Variants in NPAS3 observed in about 807,000 individuals in gnomAD.
The protein encoded by NPAS3 is neuronal PAS domain-containing protein 3.
Under a neutral mutation model 73.1 loss-of-function variants are expected in NPAS3, and 14 were observed. That is an observed-to-expected ratio of 0.19 (90% CI 0.13 to 0.30). The LOEUF (loss-of-function observed/expected upper bound fraction) is 0.30, where lower values mean the gene tolerates loss of function less well. Among genes scored for constraint, NPAS3 ranks in the 10% least tolerant of loss-of-function variants. The pLI, the probability that NPAS3 is intolerant of heterozygous loss-of-function variation, is 1.00. For missense variants in NPAS3, 1,096 were observed against 1,250.0 expected, an observed-to-expected ratio of 0.88 and a Z score of 1.86; for synonymous variants, 620 against 541.5, an observed-to-expected ratio of 1.14 and a Z score of -2.01.
At chr14:32,953,122 A>C (rs1023862478) in intron 1 of NPAS3, among the ~76,000 whole-genome samples, 4 of 149,696 alleles carry the variant, frequency 2.7e-5, no homozygotes, top group Non-Finnish European at 1.5e-5. Flanking sequence ...CCCAAACAAC[A>C]ACCAAAAAAA....
chr14:33,132,808 G>T (rs188050747), intron 2 of NPAS3, among the ~76,000 whole-genome samples: 9 of 152,190 alleles, frequency 5.9e-5, no homozygotes, highest in African/African-American at 1.9e-4. Flanking sequence ...AAGCAAATTG[G>T]GGACAGGGAA....
chr14:33,734,005 C>A (rs991753838), intron 6 of NPAS3, among the ~76,000 whole-genome samples: 3 of 152,124 alleles, frequency 2.0e-5, no homozygotes, highest in Non-Finnish European at 2.9e-5. Flanking sequence ...ATTACTCACC[C>A]TTAGAAATAT....
chr14:33,069,515 G>C (rs775632341), intron 2 of NPAS3, among the ~76,000 whole-genome samples: 1 of 152,338 alleles, frequency 6.6e-6, no homozygotes, highest in Admixed American at 6.5e-5. Flanking sequence ...GGCTATGATG[G>C]AGACGGATGT....
At chr14:33,086,658 T>C (rs1321807470) in intron 2 of NPAS3, among the ~76,000 whole-genome samples, 2 of 152,194 alleles carry the variant, frequency 1.3e-5, no homozygotes, top group Non-Finnish European at 2.9e-5. Context: ...TACCCTTTAT[T>C]CTGACCTAAA....
chr14:33,505,140 T>C (rs1039706073), intron 4 of NPAS3, among the ~76,000 whole-genome samples: 4 of 151,998 alleles, frequency 2.6e-5, no homozygotes, highest in African/African-American at 9.7e-5. Context: ...TTCTCAGTAT[T>C]TTTGGCAAAA....
At chr14:33,580,305 T>A (rs2056612172) in intron 5 of NPAS3, among the ~76,000 whole-genome samples, 2 of 152,066 alleles carry the variant, frequency 1.3e-5, no homozygotes, top group Non-Finnish European at 2.9e-5. Context: ...CTGCCAAAGG[T>A]GTGACGTAAA....
At chr14:33,683,989 A>T (rs968590593) in intron 6 of NPAS3, among the ~76,000 whole-genome samples, 7 of 152,128 alleles carry the variant, frequency 4.6e-5, no homozygotes, top group Non-Finnish European at 1.0e-4. Context: ...TGGAGGAAAA[A>T]GTGATGGAAA....
At chr14:33,168,937 A>G (rs965820123) in intron 2 of NPAS3, among the ~76,000 whole-genome samples, 13 of 152,210 alleles carry the variant, frequency 8.5e-5, no homozygotes, top group African/African-American at 2.9e-4. Context: ...ACATTGTAAT[A>G]TGAGAAGTTT....
chr14:33,100,090 A>G (rs1207468655), intron 2 of NPAS3, among the ~76,000 whole-genome samples: 1 of 152,182 alleles, frequency 6.6e-6, no homozygotes, highest in Non-Finnish European at 1.5e-5. Context: ...GGTTTAAGTC[A>G]CTTCTCTGTC....
At chr14:33,641,977 C>T (rs1265750937) in intron 5 of NPAS3, among the ~76,000 whole-genome samples, 1 of 152,054 alleles carries the variant, frequency 6.6e-6, no homozygotes, top group East Asian at 1.9e-4. Flanking sequence ...AATAATTCAT[C>T]GATTCCCAAC....
chr14:33,477,247 C>G (rs189374042), intron 4 of NPAS3, among the ~76,000 whole-genome samples: 17 of 152,118 alleles, frequency 1.1e-4, no homozygotes, highest in Admixed American at 6.6e-4. Flanking sequence ...TTCTCAGAAC[C>G]CTTTTAGTTT....
chr14:33,043,336 C>A (rs2040405687), intron 1 of NPAS3, among the ~76,000 whole-genome samples: 1 of 152,176 alleles, frequency 6.6e-6, no homozygotes, highest in African/African-American at 2.4e-5. Flanking sequence ...TTAAATTCTC[C>A]TTAGTAGTAA....
chr14:33,493,617 T>G (rs1212105834), intron 4 of NPAS3, among the ~76,000 whole-genome samples: 1 of 152,130 alleles, frequency 6.6e-6, no homozygotes, highest in Admixed American at 6.6e-5. Context: ...TGGTGTGTAA[T>G]TAAGGCTCTG....
upstream of NPAS3, chr14:32,935,026 G>A: frequency 7.8e-7 from 1 of 1,279,894 alleles, no homozygotes; most frequent in Non-Finnish European, 9.9e-7. Flanking sequence ...GCCTGGGCTG[G>A]GATAGTGCCC....
chr14:32,979,262 C>T (rs1053739083), intron 1 of NPAS3, among the ~76,000 whole-genome samples: 4 of 152,156 alleles, frequency 2.6e-5, no homozygotes, highest in Non-Finnish European at 4.4e-5. Context: ...TGCCTTCAAA[C>T]AAATTGAGCT....
chr14:33,647,762 G>C (rs987843676), intron 5 of NPAS3, among the ~76,000 whole-genome samples: 15 of 151,844 alleles, frequency 9.9e-5, no homozygotes, highest in Non-Finnish European at 1.9e-4. Flanking sequence ...TCCATCCCAG[G>C]TCACATCTTG....
At chr14:33,553,568 CAT>C (rs1318779009) in intron 4 of NPAS3, among the ~76,000 whole-genome samples, 1 of 152,148 alleles carries the variant, frequency 6.6e-6, no homozygotes, top group African/African-American at 2.4e-5. Flanking sequence ...GATTGGGAAA[CAT>C]GTGGCTTTTG....
chr14:33,073,382 A>C (rs77869628), intron 2 of NPAS3, among the ~76,000 whole-genome samples: 9,040 of 152,236 alleles, frequency 0.059, 323 homozygotes, highest in Middle Eastern at 0.11. Context: ...ATGCAGATAC[A>C]TGTGGAGTTA....
chr14:32,997,134 A>T (rs1433749822), intron 1 of NPAS3, among the ~76,000 whole-genome samples: 2 of 152,172 alleles, frequency 1.3e-5, no homozygotes, highest in South Asian at 2.1e-4. Flanking sequence ...GCCCTGCTGG[A>T]TTTCAGACGT....
Sources: gnomAD v4.1 joint callset for allele counts (sites outside exome capture counted in the v4.1 genomes callset) on GRCh38, gnomAD v4.1.1 for gene constraint, MANE v1.5 for transcripts, NCBI Gene and HGNC (gene_info 2026-07-23, HGNC 2026-07-21) for gene names.